Variants in PRKN observed in about 807,000 individuals in gnomAD.
PRKN encodes the protein E3 ubiquitin-protein ligase parkin.
A neutral mutation model predicts 59.5 loss-of-function variants in PRKN; 56 were observed. That is an observed-to-expected ratio of 0.94 (90% CI 0.76 to 1.18). The LOEUF (loss-of-function observed/expected upper bound fraction) is 1.18. PRKN is among the 50% of genes most tolerant of loss of function. The probability of loss-of-function intolerance (pLI) is 0.00; values close to 1 mark genes in which losing one functional copy is unlikely to be tolerated. For missense variants in PRKN, 657 were observed against 596.4 expected (o/e 1.10, Z -1.06); for synonymous variants, 250 against 222.1 (o/e 1.13, Z -1.12).
intron 7 of PRKN, among the ~76,000 whole-genome samples, chr6:161,778,108 T>C (rs12208429): frequency 0.4 from 60,234 of 151,592 alleles, 12,388 homozygotes; most frequent in South Asian, 0.52. Context: ...GCTGCATTTA[T>C]GGAAAAGCAC....
chr6:162,286,011 A>T (rs1443918981), intron 2 of PRKN, among the ~76,000 whole-genome samples: 1 of 152,180 alleles, frequency 6.6e-6, no homozygotes, highest in Non-Finnish European at 1.5e-5. Flanking sequence ...CAACCACACA[A>T]CCAAAGACTA....
chr6:161,638,130 C>A (rs1783596464), intron 7 of PRKN, among the ~76,000 whole-genome samples: 1 of 151,538 alleles, frequency 6.6e-6, no homozygotes. Flanking sequence ...CAGTGATATT[C>A]ACCCCTGGTT....
intron 7 of PRKN, among the ~76,000 whole-genome samples, chr6:161,596,247 T>A (rs1462313031): frequency 1.3e-5 from 2 of 152,136 alleles, no homozygotes; most frequent in African/African-American, 4.8e-5. Flanking sequence ...AAGGTGCTCT[T>A]TCCCTAAAGA....
At chr6:162,405,790 T>A (rs1788032049) in intron 2 of PRKN, among the ~76,000 whole-genome samples, 1 of 152,074 alleles carries the variant, frequency 6.6e-6, no homozygotes, top group Non-Finnish European at 1.5e-5. Flanking sequence ...GAGACAGGCC[T>A]CAGGAAAAAC....
intron 9 of PRKN, among the ~76,000 whole-genome samples, chr6:161,508,910 T>C (rs1291005536): frequency 6.6e-6 from 1 of 151,958 alleles, no homozygotes. Flanking sequence ...AATGGTGCGC[T>C]CTTGGCTCAC....
chr6:161,543,963 A>G (rs1260217858), intron 9 of PRKN, among the ~76,000 whole-genome samples: 1 of 152,236 alleles, frequency 6.6e-6, no homozygotes, highest in African/African-American at 2.4e-5. Flanking sequence ...CCAGAAAAAA[A>G]GAATAATGCA....
intron 6 of PRKN, among the ~76,000 whole-genome samples, chr6:161,803,708 C>T (rs1435941624): frequency 1.3e-5 from 2 of 152,142 alleles, no homozygotes; most frequent in South Asian, 2.1e-4. Context: ...GTACAGTTAC[C>T]GATTTATTAG....
At chr6:161,680,759 ATATATATATATATATATTT>A (rs1393967318) in intron 7 of PRKN, among the ~76,000 whole-genome samples, 176 of 11,442 alleles carry the variant, frequency 0.015, 3 homozygotes, top group African/African-American at 0.037. Flanking sequence ...ATATATATAT[ATATATATATATATATATTT>A]TTTTTTTTTT....
At chr6:161,898,081 A>G (rs116562066) in intron 6 of PRKN, among the ~76,000 whole-genome samples, 1,908 of 152,142 alleles carry the variant, frequency 0.013, 45 homozygotes, top group African/African-American at 0.044. Flanking sequence ...AAGGATGACT[A>G]TAACAGAACT....
At chr6:161,887,756 G>T (rs1267283124) in intron 6 of PRKN, among the ~76,000 whole-genome samples, 1 of 151,776 alleles carries the variant, frequency 6.6e-6, no homozygotes, top group Non-Finnish European at 1.5e-5. Flanking sequence ...ATGACTGCCG[G>T]TAGAAATGCA....
chr6:162,432,119 T>C (rs1789561422), intron 2 of PRKN, among the ~76,000 whole-genome samples: 1 of 152,196 alleles, frequency 6.6e-6, no homozygotes, highest in Non-Finnish European at 1.5e-5. Context: ...TTAAATCAGA[T>C]ACATTATTTC....
At chr6:162,487,075 A>T (rs892374847) in intron 1 of PRKN, among the ~76,000 whole-genome samples, 1 of 152,176 alleles carries the variant, frequency 6.6e-6, no homozygotes, top group Admixed American at 6.5e-5. Flanking sequence ...AGTCTCAAAA[A>T]AAAAGAAAAG....
At chr6:161,370,178 G>A (rs1307999034) in intron 10 of PRKN, among the ~76,000 whole-genome samples, 2 of 151,996 alleles carry the variant, frequency 1.3e-5, no homozygotes, top group African/African-American at 4.8e-5. Context: ...AGGAACACTT[G>A]AGTCTAGGAG....
chr6:162,247,287 G>GT (rs1357894241), intron 3 of PRKN, among the ~76,000 whole-genome samples: 13 of 152,086 alleles, frequency 8.5e-5, no homozygotes, highest in Admixed American at 7.2e-4. Context: ...TTTATCCAAA[G>GT]TAATGGGATG....
At chr6:162,205,897 T>A (rs1028190583) in intron 3 of PRKN, among the ~76,000 whole-genome samples, 1 of 152,100 alleles carries the variant, frequency 6.6e-6, no homozygotes, top group Non-Finnish European at 1.5e-5. Context: ...GCTACCAAAC[T>A]AGAAAGCACA....
chr6:161,909,739 C>T lies in PRKN; in HGVS notation c.734+63563G>A, dbSNP rs556431999. 4.6e-5 allele frequency among the ~76,000 whole-genome samples: 7 copies of T among 152,172 alleles called. No individual in the cohort carries two copies. The South Asian group carries it at 1.5e-3, about 32-fold the overall frequency. Reference sequence around the variant, plus strand: ...CCTGGTCAGAGGTGCTCTTGAGGCCCAAAGAAGAGATTTCCACAAATAGTC... The same window carrying T: ...CCTGGTCAGAGGTGCTCTTGAGGCCTAAAGAAGAGATTTCCACAAATAGTC... On this transcript the variant is annotated intron_variant, in intron 6 of 11. Coordinates refer to ENST00000366898, the MANE Select transcript of PRKN (RefSeq NM_004562.3).
In PRKN at chr6:161,391,778, T is replaced by G. The variant is rs1229274580; in HGVS notation, c.1084-4901A>C. ...AAAGGCCTAAGAGCATAACTGAGCC[T>G]TCCCTGAGGAAGAAGAGATTTCACC... On this transcript the variant is annotated intron_variant, in intron 9 of 11. Transcript: ENST00000366898. The surrounding 1 kb of genome is among the most constrained non-coding windows in gnomAD (Gnocchi z 4.9). Among the ~76,000 whole-genome samples, 1 of 152,052 alleles carries G rather than the reference T, an allele frequency of 6.6e-6. No homozygotes were observed. The highest frequency in any genetic ancestry group is 1.9e-4 in the East Asian group (1 of 5,160).
chr6:162,252,424 C>T (rs1042737255), intron 3 of PRKN, among the ~76,000 whole-genome samples: 1 of 152,148 alleles, frequency 6.6e-6, no homozygotes. Flanking sequence ...AGAGCTAGAC[C>T]CTGCTTCAGG....
Position 161,557,243 on chromosome 6 carries a change from T to C in PRKN, c.934-8240A>G, listed in dbSNP as rs143783463. Among the ~76,000 whole-genome samples the C allele has an allele frequency of 1.5e-3, 236 of 152,336 alleles. 2 individuals carry two copies. Among genetic ancestry groups the C allele is most frequent in the African/African-American group, 5.5e-3 (229 of 41,584 alleles). On this transcript the variant is annotated intron_variant, in intron 8 of 11. Coordinates refer to ENST00000366898, the MANE Select transcript of PRKN (RefSeq NM_004562.3). The stretch of plus-strand genomic sequence containing the variant: ...AATTATTCAGTCTTTATGTGAATGC[T>C]CATGGATTCTCTTAAGAACAAAAAG...
Sources: allele counts gnomAD v4.1 joint callset (sites outside exome capture counted in the v4.1 genomes callset), GRCh38; gene constraint gnomAD v4.1.1; non-coding constraint Gnocchi (gnomAD v3.1); transcripts MANE v1.5; gene names NCBI Gene and HGNC (gene_info 2026-07-23, HGNC 2026-07-21).